TP73: variants seen among roughly 807,000 people sequenced by gnomAD.
TP73 encodes p53-like transcription factor.
TP73 carries 25 observed loss-of-function variants against 62.5 expected under a neutral mutation model. The ratio of observed to expected loss-of-function variants is 0.40; its 90% CI spans 0.29 to 0.56. The LOEUF is 0.56. TP73 is among the 20% of genes least tolerant of loss of function. The pLI, the probability that TP73 is intolerant of heterozygous loss-of-function variation, is 0.46. For synonymous variants in TP73, 423 were observed against 377.5 expected, an observed-to-expected ratio of 1.12 and a Z score of -1.40; for missense variants, 754 against 913.3, an observed-to-expected ratio of 0.83 and a Z score of 2.25.
chr1:3,729,188 A>G (rs2124530214), intron 9 of TP73, 139 bp from the exon 10 acceptor site: 1 of 1,183,784 alleles, frequency 8.4e-7, no homozygotes. Flanking sequence ...AGATCAGGGG[A>G]TCCTGAGCCT....
intron 1 of TP73, among the ~76,000 whole-genome samples, chr1:3,678,694 G>A (rs915225021): frequency 6.6e-6 from 1 of 152,240 alleles, no homozygotes; most frequent in Non-Finnish European, 1.5e-5. Flanking sequence ...GCAGTGGCAA[G>A]GCTGGCCCTC....
chr1:3,693,248 A>G (rs1376548405), intron 3 of TP73, among the ~76,000 whole-genome samples: 1 of 152,124 alleles, frequency 6.6e-6, no homozygotes, highest in Non-Finnish European at 1.5e-5. Flanking sequence ...ACGTATTTTG[A>G]GAGAGAAAGT....
intron 3 of TP73, among the ~76,000 whole-genome samples, chr1:3,688,314 C>T (rs535036524): frequency 1.9e-4 from 29 of 152,334 alleles, no homozygotes; most frequent in Non-Finnish European, 1.0e-4. Context: ...CGGCCTCTTC[C>T]ATGCGGTGGG....
At chr1:3,713,055 G>A (rs989986173) in intron 4 of TP73, among the ~76,000 whole-genome samples, 2 of 152,228 alleles carry the variant, frequency 1.3e-5, no homozygotes, top group Non-Finnish European at 2.9e-5. Context: ...CTGTCCCTAG[G>A]GGAGAAAGCC....
chr1:3,692,464 G>A (rs993381897), intron 3 of TP73, among the ~76,000 whole-genome samples: 3 of 152,230 alleles, frequency 2.0e-5, no homozygotes, highest in African/African-American at 7.2e-5. Flanking sequence ...CAGGCATGGG[G>A]TGTCCCTCTC....
At chr1:3,667,128 G>C (rs1885859) in intron 1 of TP73, among the ~76,000 whole-genome samples, 106,115 of 152,028 alleles carry the variant, frequency 0.7, 38,164 homozygotes, top group African/African-American at 0.88. Flanking sequence ...GAATATGCCT[G>C]CGGAAGCAGG....
chr1:3,714,874 G>A (rs1444494485), intron 4 of TP73, among the ~76,000 whole-genome samples: 1 of 152,224 alleles, frequency 6.6e-6, no homozygotes, highest in African/African-American at 2.4e-5. Context: ...GGGGTACCTG[G>A]GTCCTGGAAT....
Position 3,696,677 on chromosome 1 carries a change from C to A in TP73, c.187-10872C>A, listed in dbSNP as rs1384022724. Among the ~76,000 whole-genome samples, 1 of 152,052 alleles carries A rather than the reference C, an allele frequency of 6.6e-6. No individual in the cohort carries two copies. Among genetic ancestry groups the A allele is most frequent in the Non-Finnish European group, 1.5e-5 (1 of 68,006 alleles). ...TTCCCACGGTTTGGAGAGGGCAGGG[C>A]CCAACTGGGAATGGCTCATGGGATT... On this transcript the variant is annotated intron_variant, in intron 3 of 13. Coordinates refer to ENST00000378295, the MANE Select transcript of TP73 (RefSeq NM_005427.4). This position sits in a 1 kb window ranked among gnomAD's most constrained non-coding sequence, Gnocchi z 4.1.
Position 3,663,460 on chromosome 1 carries a change from A to C in TP73, c.-34+10819A>C, listed in dbSNP as rs1645040802. ...GCTGGGCGTGGTGGCTCACGCCTGT[A>C]ATCCCAGCACTTTGGGAGGCTGAGT... On this transcript the variant is annotated intron_variant, in intron 1 of 13. Transcript: ENST00000378295. The surrounding 1 kb of genome is among the most constrained non-coding windows in gnomAD (Gnocchi z 4.7). 6.6e-6 allele frequency among the ~76,000 whole-genome samples: 1 copy of C among 152,170 alleles called. No homozygotes were observed. The highest frequency in any genetic ancestry group is 2.4e-5 in the African/African-American group (1 of 41,444).
In TP73 at chr1:3,682,240, G is replaced by T. The variant is rs538317313; in HGVS notation, c.-33-93G>T. On this transcript the variant is annotated intron_variant, in intron 1 of 13. Coordinates refer to ENST00000378295, the MANE Select transcript of TP73 (RefSeq NM_005427.4). ...ACCTGCTCCAGGGATGCCCCAGGCA[G>T]GCCCACTTGCCTGCCGCCCCCACCG... 6 of 953,684 alleles carry T rather than the reference G, an allele frequency of 6.3e-6. No individual in the cohort carries two copies. In the South Asian group the frequency reaches 1.3e-4, roughly 21 times the overall value. 59.1% of individuals were successfully genotyped at this position (953,684 alleles called of 1,614,324 possible).
At chr1:3,690,832 C>G (rs765859356) in intron 3 of TP73, 15 of 1,545,404 alleles carry the variant, frequency 9.7e-6, no homozygotes, top group Non-Finnish European at 1.3e-5. Flanking sequence ...CCCTTCCCCT[C>G]GGGCCGCCCA....
At chr1:3,704,777 C>A (rs997281108) in intron 3 of TP73, among the ~76,000 whole-genome samples, 2 of 152,166 alleles carry the variant, frequency 1.3e-5, no homozygotes, top group African/African-American at 4.8e-5. Flanking sequence ...GGCTGTGCGA[C>A]CAGAGCCTGG....
chr1:3,661,407 T>G (rs1436158719), intron 1 of TP73, among the ~76,000 whole-genome samples: 1 of 152,110 alleles, frequency 6.6e-6, no homozygotes, highest in East Asian at 1.9e-4. Context: ...AGTTAGATAG[T>G]TTAAAATACT....
chr1:3,688,288 A>T, intron 3 of TP73, among the ~76,000 whole-genome samples: 1 of 152,156 alleles, frequency 6.6e-6, no homozygotes. Context: ...CAGGTCTCAG[A>T]GCCTTGCAGC....
intron 3 of TP73, among the ~76,000 whole-genome samples, chr1:3,706,643 A>T (rs1210150680): frequency 6.6e-6 from 1 of 152,132 alleles, no homozygotes; most frequent in African/African-American, 2.4e-5. Context: ...GCAGCCCACC[A>T]AGTGAGGTCT....
At chr1:3,673,872 G>A (rs902199998) in intron 1 of TP73, among the ~76,000 whole-genome samples, 2 of 152,318 alleles carry the variant, frequency 1.3e-5, no homozygotes, top group East Asian at 1.9e-4. Flanking sequence ...GGGTGTGGCT[G>A]TGCGGTGGGA....
At chr1:3,661,535 C>A (rs1248186030) in intron 1 of TP73, among the ~76,000 whole-genome samples, 1 of 151,420 alleles carries the variant, frequency 6.6e-6, no homozygotes, top group Non-Finnish European at 1.5e-5. Flanking sequence ...ATGGCAAAAC[C>A]CCGTCTCTAC....
At chr1:3,665,326 T>TA (rs897529490) in intron 1 of TP73, among the ~76,000 whole-genome samples, 1 of 152,068 alleles carries the variant, frequency 6.6e-6, no homozygotes, top group Non-Finnish European at 1.5e-5. Context: ...AGCTGCAAAT[T>TA]AAAAAATGAG....
chr1:3,702,351 T>C (rs979972840), intron 3 of TP73, among the ~76,000 whole-genome samples: 4 of 152,180 alleles, frequency 2.6e-5, no homozygotes, highest in Non-Finnish European at 4.4e-5. Context: ...GTCACTGGCC[T>C]GCTGCCACCC....
Sources: allele counts gnomAD v4.1 joint callset (sites outside exome capture counted in the v4.1 genomes callset), GRCh38; gene constraint gnomAD v4.1.1; non-coding constraint Gnocchi (gnomAD v3.1); transcripts MANE v1.5; gene names NCBI Gene and HGNC (gene_info 2026-07-23, HGNC 2026-07-21).